Variants in SULF1 observed in about 807,000 individuals in gnomAD.
SULF1 encodes extracellular sulfatase Sulf-1.
Under a neutral mutation model 110.5 loss-of-function variants are expected in SULF1, and 46 were observed. That is an observed-to-expected ratio of 0.42 (90% CI 0.33 to 0.53). SULF1 has a LOEUF of 0.53. Among genes scored for constraint, SULF1 ranks in the 20% least tolerant of loss-of-function variants. The probability of loss-of-function intolerance (pLI) is 0.12; values close to 1 mark genes in which losing one functional copy is unlikely to be tolerated. For synonymous variants in SULF1, 371 were observed against 387.1 expected, an observed-to-expected ratio of 0.96 and a Z score of 0.49; for missense variants, 941 against 1,094.2, an observed-to-expected ratio of 0.86 and a Z score of 1.98.
chr8:69,614,190 G>A (rs1808896515), intron 13 of SULF1, among the ~76,000 whole-genome samples: 1 of 152,182 alleles, frequency 6.6e-6, no homozygotes, highest in Non-Finnish European at 1.5e-5. Context: ...ACTCTGCAAA[G>A]GCTAATGTGG....
intron 3 of SULF1, among the ~76,000 whole-genome samples, chr8:69,556,951 G>T (rs1433283789): frequency 6.6e-6 from 1 of 152,088 alleles, no homozygotes; most frequent in African/African-American, 2.4e-5. Flanking sequence ...GCCCCAGCGT[G>T]TGCTGTTCCC....
chr8:69,497,790 A>G (rs1159227379), intron 2 of SULF1, among the ~76,000 whole-genome samples: 1 of 152,184 alleles, frequency 6.6e-6, no homozygotes, highest in Non-Finnish European at 1.5e-5. Context: ...TCAATCATCT[A>G]GTTGCTTTAT....
intron 3 of SULF1, among the ~76,000 whole-genome samples, chr8:69,521,453 T>C (rs1260727899): frequency 6.6e-6 from 1 of 152,088 alleles, no homozygotes; most frequent in African/African-American, 2.4e-5. Flanking sequence ...AAGGAAAGAC[T>C]CATTGAGGTG....
At chr8:69,600,054 A>G (rs776647042) in intron 8 of SULF1, among the ~76,000 whole-genome samples, 4 of 152,232 alleles carry the variant, frequency 2.6e-5, no homozygotes, top group Admixed American at 6.5e-5. Context: ...CCACAAGTCC[A>G]GTTAAAGTAA....
chr8:69,505,474 T>C (rs1429078586), intron 3 of SULF1, among the ~76,000 whole-genome samples: 1 of 152,170 alleles, frequency 6.6e-6, no homozygotes, highest in Non-Finnish European at 1.5e-5. Flanking sequence ...AATACCTATT[T>C]GGGATGGAAA....
intron 5 of SULF1, among the ~76,000 whole-genome samples, chr8:69,571,551 T>G (rs1286269229): frequency 6.6e-6 from 1 of 152,240 alleles, no homozygotes; most frequent in Non-Finnish European, 1.5e-5. Flanking sequence ...ATTCATATCA[T>G]TCCTATGAAA....
At position 69,659,231 on chromosome 8, in the gene SULF1, G is replaced by A. The variant is rs1227583489; in HGVS notation, c.*696G>A. The stretch of plus-strand genomic sequence containing the variant: ...CACCGAAGTAATTCCAGCATAGCGG[G>A]GAAGATGTTGACCAAGGTGGAGAAG... On this transcript the variant is annotated 3_prime_UTR_variant, in exon 23 of 23. Coordinates refer to ENST00000402687, the MANE Select transcript of SULF1 (RefSeq NM_001128205.2). 4.4e-6 allele frequency: 2 copies of A among 456,178 alleles called. No homozygotes were observed. Among genetic ancestry groups the A allele is most frequent in the East Asian group, 6.9e-5 (1 of 14,394 alleles). The allele number at this position is 456,178 out of a possible 1,614,324, so 28.3% of individuals were successfully genotyped here.
chr8:69,530,759 A>G (rs1330932227), intron 3 of SULF1, among the ~76,000 whole-genome samples: 1 of 152,218 alleles, frequency 6.6e-6, no homozygotes, highest in Non-Finnish European at 1.5e-5. Flanking sequence ...AAATCTAACT[A>G]AACCTCAATA....
At chr8:69,548,340 C>A (rs1199929252) in intron 3 of SULF1, among the ~76,000 whole-genome samples, 1 of 152,074 alleles carries the variant, frequency 6.6e-6, no homozygotes, top group Non-Finnish European at 1.5e-5. Context: ...TAAGGAATTT[C>A]AAACAATGTT....
chr8:69,500,450 T>C (rs1810716328), intron 2 of SULF1, among the ~76,000 whole-genome samples: 1 of 152,198 alleles, frequency 6.6e-6, no homozygotes, highest in Non-Finnish European at 1.5e-5. Context: ...CCCGGTAGCA[T>C]ATTCAGAACA....
intron 13 of SULF1, among the ~76,000 whole-genome samples, chr8:69,619,239 A>G (rs6472471): frequency 6.6e-6 from 1 of 152,268 alleles, no homozygotes; most frequent in Non-Finnish European, 1.5e-5. Flanking sequence ...GAAAAGTTTC[A>G]GTAGATAATG....
chr8:69,659,476 C>T lies in SULF1; in HGVS notation c.*941C>T, dbSNP rs1409345444. The stretch of plus-strand genomic sequence containing the variant: ...AGCATGTGAGCAAGCGGTGTGCACA[C>T]GGAGACTCATCGTTATAATTTACTA... On this transcript the variant is annotated 3_prime_UTR_variant, in exon 23 of 23. Coordinates refer to ENST00000402687, the MANE Select transcript of SULF1 (RefSeq NM_001128205.2). The T allele has an allele frequency of 1.8e-5, 5 of 281,664 alleles. No individual in the cohort carries two copies. The highest frequency in any genetic ancestry group is 9.6e-5 in the East Asian group (1 of 10,442). The allele number at this position is 281,664 out of a possible 1,614,324, so 17.4% of individuals were successfully genotyped here. A position where few individuals can be genotyped will look rare whatever the true frequency, so the allele number is the denominator to read the frequency against.
At chr8:69,624,339 G>A (rs972532851) in intron 15 of SULF1, 142 bp downstream of exon 15, 3 of 1,124,296 alleles carry the variant, frequency 2.7e-6, no homozygotes, top group East Asian at 2.5e-5. Flanking sequence ...TAGCAACTGG[G>A]GGTTAAAGAA....
chr8:69,572,236 G>C (rs1403063097), intron 5 of SULF1, among the ~76,000 whole-genome samples: 1 of 152,224 alleles, frequency 6.6e-6, no homozygotes, highest in African/African-American at 2.4e-5. Context: ...ATTCAGCCTA[G>C]ATAGAGCTCA....
intron 13 of SULF1, among the ~76,000 whole-genome samples, chr8:69,608,972 G>T (rs899735867): frequency 1.3e-5 from 2 of 152,018 alleles, no homozygotes; most frequent in African/African-American, 2.4e-5. Context: ...GGCAAATCTC[G>T]ACCTCTTTCT....
intron 10 of SULF1, 91 bp downstream of exon 10, chr8:69,601,920 T>C: frequency 7.3e-7 from 1 of 1,365,168 alleles, no homozygotes; most frequent in South Asian, 1.5e-5. Flanking sequence ...TGGTTTCCTT[T>C]CATCCAAAAC....
chr8:69,571,544 C>T (rs1805234406), intron 5 of SULF1, among the ~76,000 whole-genome samples: 1 of 152,216 alleles, frequency 6.6e-6, no homozygotes, highest in Non-Finnish European at 1.5e-5. Flanking sequence ...CTTTACAATT[C>T]ATATCATTCC....
chr8:69,576,287 G>T (rs1487748981), intron 6 of SULF1, 78 bp downstream of exon 6: 4 of 1,487,436 alleles, frequency 2.7e-6, no homozygotes, highest in Non-Finnish European at 2.7e-6. Context: ...GTAATGAAAT[G>T]CATGAAGTTC....
chr8:69,530,318 T>C (rs998456521), intron 3 of SULF1, among the ~76,000 whole-genome samples: 1 of 152,166 alleles, frequency 6.6e-6, no homozygotes, highest in Non-Finnish European at 1.5e-5. Context: ...TTCAGTTATC[T>C]GAAAAATATT....
Sources: gnomAD v4.1 joint callset for allele counts (sites outside exome capture counted in the v4.1 genomes callset) on GRCh38, gnomAD v4.1.1 for gene constraint, MANE v1.5 for transcripts, NCBI Gene and HGNC (gene_info 2026-07-23, HGNC 2026-07-21) for gene names.